The following CDHR2 variants were observed in gnomAD, a reference collection of about 807,000 sequenced individuals.
CDHR2 encodes the protein cadherin-related family member 2.
A neutral mutation model predicts 138.6 loss-of-function variants in CDHR2; 104 were observed. The ratio of observed to expected loss-of-function variants is 0.75; its 90% CI spans 0.64 to 0.88. CDHR2 has a LOEUF of 0.88. Among genes scored for constraint, CDHR2 ranks in the 40% least tolerant of loss-of-function variants. The pLI is 0.00. For missense variants in CDHR2, 1,624 were observed against 1,727.6 expected (o/e 0.94, Z 1.06); for synonymous variants, 755 against 742.8 (o/e 1.02, Z -0.27).
chr5:176,577,526 A>G lies in CDHR2; in HGVS notation c.1322A>G (p.Tyr441Cys), dbSNP rs937127732. 1 of 1,613,628 alleles carries G rather than the reference A, an allele frequency of 6.2e-7. No individual in the cohort carries two copies. Among genetic ancestry groups the G allele is most frequent in the African/African-American group, 1.3e-5 (1 of 75,048 alleles). Residue 441 changes from tyrosine (Y) to cysteine (C), a missense_variant, in exon 13 of 32, where the codon TAC becomes TGC. Coordinates refer to ENST00000261944, the MANE Select transcript of CDHR2 (RefSeq NM_017675.6). The part of the protein sequence containing the change: ...VLVRVSALVD[Y>C]ERQTAMAVQV... The stretch of plus-strand genomic sequence containing the variant: ...GTGAGAGTATCCGCGCTGGTGGACT[A>G]CGAGAGGCAGACGGCGATGGCGGTG...
chr5:176,568,470 C>T (rs1469163773), intron 3 of CDHR2, among the ~76,000 whole-genome samples: 1 of 152,250 alleles, frequency 6.6e-6, no homozygotes, highest in Non-Finnish European at 1.5e-5. Flanking sequence ...CCCCCGCCCC[C>T]TGCACTGTGT....
rs114314722 is a variant in CDHR2, at chr5:176,590,138, T to G, written c.3267T>G (p.Ser1089=). The G allele has an allele frequency of 8.1e-6, 13 of 1,613,794 alleles. No homozygotes were observed. Among genetic ancestry groups the G allele is most frequent in the Non-Finnish European group, 1.1e-5 (13 of 1,179,936 alleles). ...TTGTGGACATTCAGGACATAGATTC[T>G]GCAGCTCGGTGAGTGCCCAGAGGCC... The part of the protein sequence containing the change: ...VYIVDIQDID[S]AARARPHSYL... The change falls in exon 25 of 32, where the codon TCT becomes TCG. Residue 1089 remains serine, a synonymous_variant. Transcript: ENST00000261944.
intron 1 of CDHR2, among the ~76,000 whole-genome samples, chr5:176,556,538 A>G (rs879715288): frequency 6.3e-4 from 96 of 152,198 alleles, no homozygotes; most frequent in African/African-American, 1.7e-3. Flanking sequence ...GGTGGCAGGC[A>G]CCTGTAGTCC....
chr5:176,592,451 CGGTGGT>C (rs1197622799), intron 30 of CDHR2, among the ~76,000 whole-genome samples: 1 of 54,454 alleles, frequency 1.8e-5, no homozygotes, highest in Non-Finnish European at 3.6e-5. Context: ...TGGATGATGA[CGGTGGT>C]GGTGGTGGTG....
intron 6 of CDHR2, among the ~76,000 whole-genome samples, chr5:176,573,177 AG>A (rs1581139661): frequency 6.6e-6 from 1 of 151,208 alleles, no homozygotes; most frequent in East Asian, 2.0e-4. Flanking sequence ...GTGTGGCTGG[AG>A]GGGGAGGGTG....
At chr5:176,594,905 G>C (rs1758983567) in intron 31 of CDHR2, among the ~76,000 whole-genome samples, 1 of 152,174 alleles carries the variant, frequency 6.6e-6, no homozygotes, top group Non-Finnish European at 1.5e-5. Context: ...GGGCGGGAGA[G>C]ATGAGTGAGT....
chr5:176,574,274 T>C, intron 7 of CDHR2, 102 bp downstream of exon 7: 2 of 882,794 alleles, frequency 2.3e-6, no homozygotes, highest in South Asian at 3.0e-5. Context: ...ACATTGGTCC[T>C]GCCTTGGCCC....
chr5:176,578,064 C>A lies in CDHR2; in HGVS notation c.1543C>A (p.Gln515Lys). 6.2e-7 allele frequency: 1 copy of A among 1,612,742 alleles called. No individual in the cohort carries two copies. ...ATDPDTGAWG[Q>K]ITYSLLPGNG... ...GGACCCAGACACGGGCGCGTGGGGCCAAATTACCTACAGCCTGCTCCCAGG... is the reference window on the plus strand; with the variant it reads ...GGACCCAGACACGGGCGCGTGGGGCAAAATTACCTACAGCCTGCTCCCAGG... Residue 515 changes from glutamine (Q) to lysine (K), a missense_variant, in exon 15 of 32, where the codon CAA becomes AAA. Transcript: ENST00000261944.
intron 24 of CDHR2, 45 bp downstream of exon 24, chr5:176,589,661 G>A (rs202103180): frequency 6.4e-6 from 10 of 1,552,454 alleles, no homozygotes; most frequent in Non-Finnish European, 8.9e-6. Flanking sequence ...AGAACAGGGT[G>A]TAGGAGCCTG....
At chr5:176,545,429 A>G (rs1757564265), upstream of CDHR2, among the ~76,000 whole-genome samples, 2 of 152,200 alleles carry the variant, frequency 1.3e-5, no homozygotes, top group African/African-American at 4.8e-5. Context: ...GGCGTGAGCC[A>G]CCGCACTCGG....
At chr5:176,548,870 G>T (rs1047762484), upstream of CDHR2, among the ~76,000 whole-genome samples, 44 of 152,180 alleles carry the variant, frequency 2.9e-4, no homozygotes, top group Non-Finnish European at 8.8e-5. Flanking sequence ...AAAGTGGGTT[G>T]TCCAGGCTCA....
At chr5:176,557,310 A>C (rs1189251079) in intron 1 of CDHR2, among the ~76,000 whole-genome samples, 1 of 150,770 alleles carries the variant, frequency 6.6e-6, no homozygotes, top group East Asian at 2.0e-4. Context: ...GGCTCGAGTG[A>C]TCCTCCTACC....
chr5:176,577,921 T>G (rs1444187254), intron 14 of CDHR2, 113 bp from the exon 15 acceptor site: 3 of 1,483,336 alleles, frequency 2.0e-6, no homozygotes, highest in East Asian at 2.4e-5. Flanking sequence ...CTGAGTGTGC[T>G]GGGGATTCTC....
rs142557202 is a variant in CDHR2, at chr5:176,554,139, C to T, written c.-16+4725C>T. On this transcript the variant is annotated intron_variant, in intron 1 of 31. Transcript: ENST00000261944. ...TGTCATCTCCGGGGTTCTTGGCAAG[C>T]CAGCATTTTCCACAGCAACTTCCCA... Among the ~76,000 whole-genome samples the T allele has an allele frequency of 6.8e-4, 104 of 152,328 alleles. 1 individual carries two copies. The highest frequency in any genetic ancestry group is 1.4e-3 in the Non-Finnish European group (95 of 68,026).
intron 2 of CDHR2, 118 bp downstream of exon 2, chr5:176,565,522 CTT>C: frequency 7.9e-7 from 1 of 1,262,464 alleles, no homozygotes; most frequent in Non-Finnish European, 1.1e-6. Context: ...CAGCCCTGTG[CTT>C]GGCTAAGCTG....
chr5:176,588,574 AGTGT>A (rs199793553), intron 21 of CDHR2, among the ~76,000 whole-genome samples: 4 of 137,896 alleles, frequency 2.9e-5, no homozygotes, highest in East Asian at 2.2e-4. Flanking sequence ...AGTGTGTGAG[AGTGT>A]GTGTGAGGGT....
At position 176,581,527 on chromosome 5, in the gene CDHR2, C is replaced by G. The variant is rs150126601; in HGVS notation, c.2003C>G (p.Ser668Cys). Residue 668 changes from serine to cysteine, a missense_variant, in exon 17 of 32, where the codon TCT becomes TGT. Transcript: ENST00000261944. ...CGCATTGTGCTGACAGTGCTTGTGT[C>G]TGACTGCGGCGAGCCTGTCCTCGGC... Reference protein sequence around the residue: ...EGRIVLTVLVSDCGEPVLGTK... With the variant: ...EGRIVLTVLVCDCGEPVLGTK... The G allele has an allele frequency of 3.2e-5, 52 of 1,614,144 alleles. No individual in the cohort carries two copies. The African/African-American group carries it at 6.7e-4, about 21-fold the overall frequency.
intron 3 of CDHR2, 28 bp from the exon 4 acceptor site, chr5:176,568,649 AC>A: frequency 2.5e-6 from 4 of 1,611,396 alleles, no homozygotes; most frequent in Non-Finnish European, 3.4e-6. Context: ...GTGGCTGTGG[AC>A]CCTGGGTGGC....
chr5:176,544,734 A>G (rs1757549066), upstream of CDHR2, among the ~76,000 whole-genome samples: 1 of 152,130 alleles, frequency 6.6e-6, no homozygotes, highest in African/African-American at 2.4e-5. Context: ...TACCGCGCCC[A>G]GCCCCGAGTT....
Sources: allele counts gnomAD v4.1 joint callset (sites outside exome capture counted in the v4.1 genomes callset), GRCh38; gene constraint gnomAD v4.1.1; transcripts MANE v1.5; gene names NCBI Gene and HGNC (gene_info 2026-07-23, HGNC 2026-07-21).